Variants in TNS3 observed in about 807,000 individuals in gnomAD.
TNS3 encodes the protein tensin 3.
TNS3 carries 45 observed loss-of-function variants against 140.9 expected under a neutral mutation model. The observed-to-expected ratio is 0.32, with a 90% confidence interval of 0.25 to 0.41. The LOEUF (loss-of-function observed/expected upper bound fraction) is 0.41, where lower values mean the gene tolerates loss of function less well. Ranked by LOEUF, TNS3 falls within the 10% of genes least tolerant of loss-of-function variation. The pLI, the probability that TNS3 is intolerant of heterozygous loss-of-function variation, is 1.00. For synonymous variants in TNS3, 815 were observed against 788.4 expected, an observed-to-expected ratio of 1.03 and a Z score of -0.56; for missense variants, 1,716 against 1,906.7, an observed-to-expected ratio of 0.90 and a Z score of 1.86.
chr7:47,413,015 A>G (rs1337214136), intron 12 of TNS3, among the ~76,000 whole-genome samples: 1 of 151,808 alleles, frequency 6.6e-6, no homozygotes, highest in African/African-American at 2.4e-5. Flanking sequence ...GTGCCATGGC[A>G]CAATCTCGGC....
intron 27 of TNS3, among the ~76,000 whole-genome samples, chr7:47,287,124 C>T (rs1290334641): frequency 6.6e-6 from 1 of 151,218 alleles, no homozygotes; most frequent in Non-Finnish European, 1.5e-5. Context: ...AAAAGTATAC[C>T]TACCATATGC....
At chr7:47,557,343 C>T (rs1800222168) in intron 1 of TNS3, among the ~76,000 whole-genome samples, 1 of 152,228 alleles carries the variant, frequency 6.6e-6, no homozygotes. Flanking sequence ...ACCATCAAAC[C>T]TGCCTGCAGC....
rs369218504 is a variant in TNS3, at chr7:47,481,471, C to A, written c.-114-330G>T. ...CAAGGATGGAAACCTCTGAGTCGGT[C>A]CGTGCTTGGGGAGCTTGGGAGCGGG... On this transcript the variant is annotated intron_variant, in intron 3 of 30. Coordinates refer to ENST00000311160, the MANE Select transcript of TNS3 (RefSeq NM_022748.12). Among the ~76,000 whole-genome samples, 5 of 152,168 alleles carry A rather than the reference C, an allele frequency of 3.3e-5. No individual in the cohort carries two copies. The East Asian group carries it at 9.7e-4, about 29-fold the overall frequency.
intron 6 of TNS3, 91 bp from the exon 7 acceptor site, chr7:47,437,404 C>G (rs1438238703): frequency 2.0e-6 from 1 of 508,334 alleles, no homozygotes; most frequent in African/African-American, 2.0e-5. Flanking sequence ...TTAATTAATA[C>G]TAATTTTTTA....
chr7:47,502,000 C>G (rs1384147556), intron 3 of TNS3, among the ~76,000 whole-genome samples: 1 of 152,164 alleles, frequency 6.6e-6, no homozygotes, highest in Non-Finnish European at 1.5e-5. Context: ...ATAGTAGGTT[C>G]TGTAGGCATA....
rs540865303 is a variant in TNS3 at position 47,401,132 on chromosome 7, G to C, written c.724-218C>G. Among the ~76,000 whole-genome samples, 41 of 152,322 alleles carry C rather than the reference G, an allele frequency of 2.7e-4. 4 individuals are homozygous for C. In the East Asian group the frequency reaches 2.7e-3, roughly 10 times the overall value. On this transcript the variant is annotated intron_variant, in intron 13 of 30. Transcript: ENST00000311160. ...CCACACTGCTGCTGCTGGGTGCGGG[G>C]CTCCACTGGAGGCTTCAATGTGTTC... is the stretch of plus-strand genomic sequence containing the variant.
chr7:47,466,335 A>G (rs1442057878), intron 4 of TNS3, among the ~76,000 whole-genome samples: 1 of 151,742 alleles, frequency 6.6e-6, no homozygotes, highest in East Asian at 1.9e-4. Flanking sequence ...GTATTTTTAT[A>G]GAGATGGGGT....
intron 4 of TNS3, among the ~76,000 whole-genome samples, chr7:47,465,357 C>T (rs1029500401): frequency 1.3e-5 from 2 of 152,132 alleles, no homozygotes; most frequent in Non-Finnish European, 2.9e-5. Context: ...GGGGAAAGGA[C>T]GCTGGCTTGG....
chr7:47,485,029 C>T (rs1413976968), intron 3 of TNS3, among the ~76,000 whole-genome samples: 1 of 152,206 alleles, frequency 6.6e-6, no homozygotes, highest in African/African-American at 2.4e-5. Flanking sequence ...CCCCTGAGAC[C>T]GTCCTGCAGA....
At chr7:47,493,681 A>T (rs930576599) in intron 3 of TNS3, among the ~76,000 whole-genome samples, 5 of 145,950 alleles carry the variant, frequency 3.4e-5, no homozygotes, top group Non-Finnish European at 7.5e-5. Context: ...AAAAAAAAAT[A>T]GCCGGGCATG....
chr7:47,379,394 A>G (rs1352615830), intron 16 of TNS3, among the ~76,000 whole-genome samples: 3 of 152,248 alleles, frequency 2.0e-5, no homozygotes, highest in Non-Finnish European at 2.9e-5. Context: ...TTATTACAAT[A>G]GAATTCTGAC....
At chr7:47,539,309 TAA>T (rs551860686) in intron 1 of TNS3, 89 of 348,720 alleles carry the variant, frequency 2.6e-4, no homozygotes, top group South Asian at 1.9e-3. Flanking sequence ...CTTACTTATT[TAA>T]AAGAGTAGCC....
At chr7:47,457,846 C>G (rs1796321988) in intron 4 of TNS3, among the ~76,000 whole-genome samples, 1 of 152,178 alleles carries the variant, frequency 6.6e-6, no homozygotes, top group Non-Finnish European at 1.5e-5. Flanking sequence ...AGTCAGTGAG[C>G]CCTGTCGCCT....
At chr7:47,525,002 GT>G (rs1562830135) in intron 2 of TNS3, among the ~76,000 whole-genome samples, 1 of 152,094 alleles carries the variant, frequency 6.6e-6, no homozygotes, top group African/African-American at 2.4e-5. Context: ...GTACATGGCT[GT>G]TTTTTCCCTT....
chr7:47,460,223 A>C, intron 4 of TNS3, among the ~76,000 whole-genome samples: 1 of 38,608 alleles, frequency 2.6e-5, no homozygotes. Context: ...AAAAAAAAAA[A>C]AAAAAAAAAA....
intron 1 of TNS3, among the ~76,000 whole-genome samples, chr7:47,561,246 T>A (rs1800313982): frequency 6.6e-6 from 1 of 152,098 alleles, no homozygotes; most frequent in Admixed American, 6.6e-5. Flanking sequence ...GATGCTCAAA[T>A]CCCTGGCACC....
intron 2 of TNS3, among the ~76,000 whole-genome samples, chr7:47,524,458 T>G (rs1479785685): frequency 6.6e-6 from 1 of 152,120 alleles, no homozygotes; most frequent in Non-Finnish European, 1.5e-5. Flanking sequence ...GGTGCCTGTG[T>G]GTCCATAATG....
At chr7:47,537,881 T>G (rs1244505132) in intron 1 of TNS3, among the ~76,000 whole-genome samples, 1 of 151,952 alleles carries the variant, frequency 6.6e-6, no homozygotes, top group Admixed American at 6.6e-5. Context: ...CAAGCAAATA[T>G]CAAAGCACAG....
chr7:47,441,951 A>G (rs1795485930), intron 5 of TNS3, 52 bp downstream of exon 5: 1 of 1,236,680 alleles, frequency 8.1e-7, no homozygotes, highest in African/African-American at 1.5e-5. Flanking sequence ...CTCTGTAGAG[A>G]GCTGACCTAC....
Sources: gnomAD v4.1 joint callset for allele counts (sites outside exome capture counted in the v4.1 genomes callset) on GRCh38, gnomAD v4.1.1 for gene constraint, MANE v1.5 for transcripts, NCBI Gene and HGNC (gene_info 2026-07-23, HGNC 2026-07-21) for gene names.